ZNF592: variants seen among roughly 807,000 people sequenced by gnomAD.
The protein encoded by ZNF592 is spinocerebellar ataxia, autosomal recessive 5.
ZNF592 carries 11 observed loss-of-function variants against 80.3 expected under a neutral mutation model. That is an observed-to-expected ratio of 0.14 (90% CI 0.09 to 0.23). ZNF592 has a LOEUF of 0.23. Ranked by LOEUF, ZNF592 falls within the 10% of genes least tolerant of loss-of-function variation. The pLI, the probability that ZNF592 is intolerant of heterozygous loss-of-function variation, is 1.00. For synonymous variants in ZNF592, 646 were observed against 640.3 expected, an observed-to-expected ratio of 1.01 and a Z score of -0.13; for missense variants, 1,420 against 1,633.9, an observed-to-expected ratio of 0.87 and a Z score of 2.26.
Position 84,767,354 on chromosome 15 carries a change from G to A in ZNF592, c.-150+2539G>A, listed in dbSNP as rs182735994. Among the ~76,000 whole-genome samples the A allele has an allele frequency of 1.1e-3, 160 of 152,104 alleles. 1 individual carries two copies. Among genetic ancestry groups the A allele is most frequent in the Middle Eastern group, 6.8e-3 (2 of 294 alleles). On this transcript the variant is annotated intron_variant, in intron 2 of 10. Transcript: ENST00000560079. The stretch of plus-strand genomic sequence containing the variant: ...ACTGTTTTCTAGGGTCCTTTGCGTC[G>A]GAAGTTGAGGCTTGGTTCCCAGCAG...
chr15:84,749,628 T>C (rs1237357901), intron 1 of ZNF592, among the ~76,000 whole-genome samples: 2 of 152,122 alleles, frequency 1.3e-5, no homozygotes, highest in Non-Finnish European at 2.9e-5. Flanking sequence ...TGGCTTATGG[T>C]TTGCCCACTT....
At chr15:84,795,470 A>G (rs1484373876) in intron 5 of ZNF592, among the ~76,000 whole-genome samples, 1 of 152,254 alleles carries the variant, frequency 6.6e-6, no homozygotes, top group Non-Finnish European at 1.5e-5. Context: ...AGGTTTCTCA[A>G]AGAAATGTCT....
chr15:84,764,203 C>G (rs1174865339), intron 1 of ZNF592, among the ~76,000 whole-genome samples: 1 of 152,182 alleles, frequency 6.6e-6, no homozygotes, highest in Non-Finnish European at 1.5e-5. Context: ...CTTTACTTCC[C>G]TTGTCTTTCT....
At chr15:84,771,367 G>A (rs948421553) in intron 2 of ZNF592, among the ~76,000 whole-genome samples, 1 of 152,132 alleles carries the variant, frequency 6.6e-6, no homozygotes, top group African/African-American at 2.4e-5. Context: ...GAGTTCTTAG[G>A]TTTGTGTTTG....
intron 2 of ZNF592, among the ~76,000 whole-genome samples, chr15:84,777,305 C>T (rs1319754973): frequency 1.3e-5 from 2 of 151,672 alleles, no homozygotes; most frequent in South Asian, 2.1e-4. Context: ...GGCAAAACCC[C>T]GTCTCTACTA....
At chr15:84,758,068 G>A (rs1053453123) in intron 1 of ZNF592, among the ~76,000 whole-genome samples, 2 of 151,696 alleles carry the variant, frequency 1.3e-5, no homozygotes, top group African/African-American at 4.8e-5. Context: ...CGCCTCCCAG[G>A]TTAAAGGAAT....
Position 84,804,478 on chromosome 15 carries a change from A to G in ZNF592, c.*2085A>G, listed in dbSNP as rs17601029. The G allele has an allele frequency of 0.2, 30,451 of 152,142 alleles. 3,873 individuals carry two copies. Among genetic ancestry groups the G allele is most frequent in the Middle Eastern group, 0.38 (111 of 294 alleles). 9.4% of individuals were successfully genotyped at this position (152,142 alleles called of 1,614,324 possible). ...CCTGGGAAGAACGTGAGTTGGAAAA[A>G]TGCTGAGCCAGTCCCTGGAAAACCT... is the stretch of plus-strand genomic sequence containing the variant. On this transcript the variant is annotated 3_prime_UTR_variant, in exon 11 of 11. Transcript: ENST00000560079.
intron 2 of ZNF592, among the ~76,000 whole-genome samples, chr15:84,777,850 C>T (rs1420034814): frequency 6.6e-6 from 1 of 151,936 alleles, no homozygotes; most frequent in Non-Finnish European, 1.5e-5. Flanking sequence ...TAGGCGCCCA[C>T]CACCACGCCC....
At chr15:84,800,313 A>G (rs1963054232) in intron 10 of ZNF592, among the ~76,000 whole-genome samples, 1 of 152,164 alleles carries the variant, frequency 6.6e-6, no homozygotes, top group African/African-American at 2.4e-5. Context: ...GCGGGAGCAC[A>G]CAGGACTACC....
At chr15:84,757,263 TC>T (rs1262532408) in intron 1 of ZNF592, among the ~76,000 whole-genome samples, 3 of 151,960 alleles carry the variant, frequency 2.0e-5, no homozygotes, top group African/African-American at 7.2e-5. Context: ...GCCCTCACCT[TC>T]CCAAGTATCT....
At position 84,799,455 on chromosome 15, in the gene ZNF592, G is replaced by A. The variant is rs1413231867; in HGVS notation, c.3137+245G>A. 6.6e-6 allele frequency among the ~76,000 whole-genome samples: 1 copy of A among 152,150 alleles called. No individual in the cohort carries two copies. The highest frequency in any genetic ancestry group is 3.2e-3 in the Middle Eastern group (1 of 316). Reference sequence around the variant, plus strand: ...CAGGACTGCACAGCCCATCAGTCACGAAGCATCCTGAGGTTTAAGAGGAGG... The same window carrying A: ...CAGGACTGCACAGCCCATCAGTCACAAAGCATCCTGAGGTTTAAGAGGAGG... On this transcript the variant is annotated intron_variant, in intron 9 of 10. Transcript: ENST00000560079. This position sits in a 1 kb window ranked among gnomAD's most constrained non-coding sequence, Gnocchi z 4.2.
intron 1 of ZNF592, among the ~76,000 whole-genome samples, chr15:84,754,821 T>C (rs933596074): frequency 1.3e-5 from 2 of 152,070 alleles, no homozygotes; most frequent in Non-Finnish European, 2.9e-5. Context: ...CGACTGCCAC[T>C]GTGTTGAGTG....
chr15:84,784,532 G>A lies in ZNF592; in HGVS notation c.1857G>A (p.Leu619=). 3.7e-6 allele frequency: 6 copies of A among 1,614,214 alleles called. No individual in the cohort carries two copies. Among genetic ancestry groups the A allele is most frequent in the Non-Finnish European group, 5.1e-6 (6 of 1,180,042 alleles). ...RSVHIEVLCT[L]CSKTLLFFNK... is the part of the protein sequence containing the mutation. ...TCCACATTGAGGTACTGTGCACACTGTGCTCCAAGACGCTGCTCTTCTTCA... is the reference window on the plus strand; with the variant it reads ...TCCACATTGAGGTACTGTGCACACTATGCTCCAAGACGCTGCTCTTCTTCA... Residue 619 remains leucine (L), a synonymous_variant, in exon 4 of 11, where the codon CTG becomes CTA. Coordinates refer to ENST00000560079, the MANE Select transcript of ZNF592 (RefSeq NM_014630.3). This position sits in a 1 kb window ranked among gnomAD's most constrained non-coding sequence, Gnocchi z 5.8.
rs1179079882 is a variant in ZNF592 at position 84,784,138 on chromosome 15, T to C, written c.1463T>C (p.Leu488Pro). Residue 488 changes from leucine (L) to proline (P), a missense_variant, in exon 4 of 11, where the codon CTG (leucine) becomes CCG (proline). Coordinates refer to ENST00000560079, the MANE Select transcript of ZNF592 (RefSeq NM_014630.3). This position sits in a 1 kb window ranked among gnomAD's most constrained non-coding sequence, Gnocchi z 5.8. The part of the protein sequence containing the change: ...QTGKKQQSTA[L>P]QASTLAPANL... ...GGCAAGAAGCAACAGAGCACAGCAC[T>C]GCAGGCATCCACCCTGGCCCCTGCC... 6.2e-7 allele frequency: 1 copy of C among 1,614,046 alleles called. No individual in the cohort carries two copies. Among genetic ancestry groups the C allele is most frequent in the East Asian group, 2.2e-5 (1 of 44,892 alleles).
At chr15:84,749,926 G>A (rs1181875887) in intron 1 of ZNF592, among the ~76,000 whole-genome samples, 5 of 152,254 alleles carry the variant, frequency 3.3e-5, no homozygotes, top group Non-Finnish European at 7.3e-5. Flanking sequence ...TCTGTGCCAG[G>A]CACTGAGCTA....
At chr15:84,760,729 G>A (rs1259374080) in intron 1 of ZNF592, among the ~76,000 whole-genome samples, 2 of 152,170 alleles carry the variant, frequency 1.3e-5, no homozygotes, top group Admixed American at 1.3e-4. Context: ...GAAGAGAGGA[G>A]GATGAAGAGG....
Position 84,798,222 on chromosome 15 carries a change from C to A in ZNF592, c.2577-93C>A. On this transcript the variant is annotated intron_variant, in intron 6 of 10. Transcript: ENST00000560079. This position sits in a 1 kb window ranked among gnomAD's most constrained non-coding sequence, Gnocchi z 4.5. ...CCACATTGGCTCAGGGTAGTGCTTT[C>A]CCAAACTTGACCCTGGTTCAGAGAG... is the stretch of plus-strand genomic sequence containing the variant. 6.3e-7 allele frequency: 1 copy of A among 1,599,690 alleles called. No homozygotes were observed.
chr15:84,756,159 A>G (rs1042372172), intron 1 of ZNF592, among the ~76,000 whole-genome samples: 7 of 152,196 alleles, frequency 4.6e-5, no homozygotes, highest in African/African-American at 1.7e-4. Flanking sequence ...TAACCCTCAC[A>G]TGCATTCCTG....
chr15:84,790,352 A>G (rs1962712705), intron 4 of ZNF592, among the ~76,000 whole-genome samples: 1 of 152,128 alleles, frequency 6.6e-6, no homozygotes, highest in Non-Finnish European at 1.5e-5. Context: ...TGGGTCTAGC[A>G]GTGCAGTGAG....
Sources: allele counts gnomAD v4.1 joint callset (sites outside exome capture counted in the v4.1 genomes callset), GRCh38; gene constraint gnomAD v4.1.1; non-coding constraint Gnocchi (gnomAD v3.1); transcripts MANE v1.5; gene names NCBI Gene and HGNC (gene_info 2026-07-23, HGNC 2026-07-21).